The following TOX variants were observed in gnomAD, a reference collection of about 807,000 sequenced individuals.
TOX encodes the protein thymocyte selection-associated high mobility group box protein TOX.
In TOX, 11 loss-of-function variants were observed where a neutral mutation model predicts 53.7. That is an observed-to-expected ratio of 0.20 (90% CI 0.13 to 0.34). TOX has a LOEUF of 0.34. Ranked by LOEUF, TOX falls within the 10% of genes least tolerant of loss-of-function variation. The pLI is 1.00. For missense variants in TOX, 570 were observed against 664.6 expected (o/e 0.86, Z 1.56); for synonymous variants, 225 against 245.3 (o/e 0.92, Z 0.77).
chr8:58,837,382 C>T (rs945743404), intron 5 of TOX, among the ~76,000 whole-genome samples: 1 of 152,156 alleles, frequency 6.6e-6, no homozygotes, highest in Non-Finnish European at 1.5e-5. Context: ...ATCAACATTG[C>T]TTCTTTGCTT....
intron 3 of TOX, among the ~76,000 whole-genome samples, chr8:58,901,516 G>A (rs375262885): frequency 2.6e-5 from 4 of 152,146 alleles, no homozygotes; most frequent in Non-Finnish European, 5.9e-5. Context: ...CTATATTGCT[G>A]AAATGTTTCT....
intron 1 of TOX, among the ~76,000 whole-genome samples, chr8:59,050,669 G>C (rs1173666419): frequency 6.6e-6 from 1 of 151,988 alleles, no homozygotes; most frequent in African/African-American, 2.4e-5. Flanking sequence ...ATGTTCTCAG[G>C]GTCAAGAGAA....
chr8:58,861,568 C>T (rs1368078313), intron 3 of TOX, among the ~76,000 whole-genome samples: 1 of 152,096 alleles, frequency 6.6e-6, no homozygotes, highest in Non-Finnish European at 1.5e-5. Context: ...GAATAATGTG[C>T]TTTATTTCTA....
chr8:58,938,604 CTCAA>C (rs756068001), intron 3 of TOX, among the ~76,000 whole-genome samples: 2 of 152,110 alleles, frequency 1.3e-5, no homozygotes, highest in African/African-American at 2.4e-5. Flanking sequence ...GCCAGTGTTT[CTCAA>C]GTATGGGATG....
At chr8:58,883,899 ATCT>A (rs1243772045) in intron 3 of TOX, among the ~76,000 whole-genome samples, 2 of 152,178 alleles carry the variant, frequency 1.3e-5, no homozygotes, top group African/African-American at 4.8e-5. Context: ...GATTGTGTGA[ATCT>A]TCATTTATCT....
chr8:58,874,217 CT>C (rs1179499993), intron 3 of TOX, among the ~76,000 whole-genome samples: 1 of 151,278 alleles, frequency 6.6e-6, no homozygotes, highest in Non-Finnish European at 1.5e-5. Context: ...GCCCCCTGCC[CT>C]TTGGTAGATT....
chr8:59,052,694 G>A (rs998948152), intron 1 of TOX, among the ~76,000 whole-genome samples: 1 of 152,086 alleles, frequency 6.6e-6, no homozygotes, highest in Non-Finnish European at 1.5e-5. Context: ...TCACCAGCTG[G>A]GTGACACTGG....
chr8:59,056,794 T>C (rs1803897289), intron 1 of TOX, among the ~76,000 whole-genome samples: 1 of 152,186 alleles, frequency 6.6e-6, no homozygotes, highest in Non-Finnish European at 1.5e-5. Flanking sequence ...TAAGCCCACA[T>C]GAAGAGCAAC....
At chr8:59,085,044 T>C (rs1804481691) in intron 1 of TOX, among the ~76,000 whole-genome samples, 1 of 152,138 alleles carries the variant, frequency 6.6e-6, no homozygotes. Flanking sequence ...CAAAGAAATA[T>C]AAAAAGTAGA....
intron 3 of TOX, among the ~76,000 whole-genome samples, chr8:58,931,181 C>T (rs1812247777): frequency 6.6e-6 from 1 of 152,108 alleles, no homozygotes; most frequent in Non-Finnish European, 1.5e-5. Flanking sequence ...TTAAACATAT[C>T]AGCAATCAAT....
At chr8:58,920,749 GA>G (rs67652722) in intron 3 of TOX, among the ~76,000 whole-genome samples, 2,860 of 110,832 alleles carry the variant, frequency 0.026, 75 homozygotes, top group South Asian at 0.11. Context: ...AAAAAAAGAA[GA>G]AAAAAAAAAA....
intron 1 of TOX, among the ~76,000 whole-genome samples, chr8:59,035,902 G>A (rs1480715131): frequency 6.6e-6 from 1 of 152,206 alleles, no homozygotes; most frequent in Admixed American, 6.5e-5. Context: ...ACTCATTTAA[G>A]CTATTGTGAC....
intron 1 of TOX, among the ~76,000 whole-genome samples, chr8:59,005,044 C>CTT (rs11332501): frequency 3.5e-5 from 5 of 141,690 alleles, no homozygotes; most frequent in African/African-American, 1.3e-4. Flanking sequence ...ATATCATTTT[C>CTT]TTTTTTTTTT....
At chr8:58,818,596 T>C (rs148431155) in intron 6 of TOX, among the ~76,000 whole-genome samples, 1 of 152,204 alleles carries the variant, frequency 6.6e-6, no homozygotes, top group African/African-American at 2.4e-5. Context: ...AACACAATTA[T>C]GTTTTCTAAG....
At chr8:59,010,830 G>A (rs567362852) in intron 1 of TOX, among the ~76,000 whole-genome samples, 1 of 152,292 alleles carries the variant, frequency 6.6e-6, no homozygotes, top group Admixed American at 6.5e-5. Flanking sequence ...TAATTTAAAA[G>A]AGCAGCAGGG....
chr8:58,928,548 G>A (rs1190868917), intron 3 of TOX, among the ~76,000 whole-genome samples: 1 of 152,106 alleles, frequency 6.6e-6, no homozygotes, highest in Non-Finnish European at 1.5e-5. Context: ...ACATACAGAT[G>A]CAAGTAGCAT....
chr8:58,905,761 C>T (rs1811803222), intron 3 of TOX, among the ~76,000 whole-genome samples: 1 of 152,188 alleles, frequency 6.6e-6, no homozygotes, highest in Admixed American at 6.5e-5. Context: ...TGTAGAGTTA[C>T]AATTTGGATT....
intron 1 of TOX, among the ~76,000 whole-genome samples, chr8:59,062,149 G>A (rs1282999656): frequency 2.0e-5 from 3 of 152,168 alleles, no homozygotes; most frequent in Non-Finnish European, 4.4e-5. Context: ...TAAAAGTCAG[G>A]TGGAAAGGTT....
chr8:58,844,651 C>A (rs892905960), intron 4 of TOX, among the ~76,000 whole-genome samples: 1 of 151,982 alleles, frequency 6.6e-6, no homozygotes, highest in African/African-American at 2.4e-5. Context: ...ACTTATGAGG[C>A]AAAGAAAATT....
Sources: allele counts gnomAD v4.1 joint callset (sites outside exome capture counted in the v4.1 genomes callset), GRCh38; gene constraint gnomAD v4.1.1; transcripts MANE v1.5; gene names NCBI Gene and HGNC (gene_info 2026-07-23, HGNC 2026-07-21).